Variants in ABCB1 observed in about 807,000 individuals in gnomAD.
ABCB1 encodes the protein ATP-dependent translocase ABCB1.
ABCB1 carries 69 observed loss-of-function variants against 142.0 expected under a neutral mutation model. The ratio of observed to expected loss-of-function variants is 0.49; its 90% confidence interval spans 0.40 to 0.59. ABCB1 has a LOEUF of 0.59. ABCB1 is among the 20% of genes least tolerant of loss of function. ABCB1 has a pLI of 0.00. For missense variants in ABCB1, 1,326 were observed against 1,554.7 expected (o/e 0.85, Z 2.47); for synonymous variants, 532 against 539.2 (o/e 0.99, Z 0.18).
In ABCB1 at chr7:87,644,952, A is replaced by G. The variant is rs535915164; in HGVS notation, c.-330-43874T>C. ...GAACTATGGAAGGAATTAATGTAAT[A>G]TGGATGTAATTAATATGTTTTAAAC... On this transcript the variant is annotated intron_variant, in intron 1 of 28. Coordinates refer to the ABCB1 transcript ENST00000265724. 3.0e-4 allele frequency among the ~76,000 whole-genome samples: 46 copies of G among 152,154 alleles called. 1 individual carries two copies. Among genetic ancestry groups the G allele is most frequent in the African/African-American group, 1.1e-3 (45 of 41,544 alleles).
intron 20 of ABCB1, among the ~76,000 whole-genome samples, chr7:87,534,615 T>C (rs1816198616): frequency 6.6e-6 from 1 of 152,084 alleles, no homozygotes; most frequent in African/African-American, 2.4e-5. Flanking sequence ...CTTCTGAATT[T>C]CATAAAGATC....
At chr7:87,710,558 T>C in intron 1 of ABCB1, 1 of 1,487,834 alleles carries the variant, frequency 6.7e-7, no homozygotes, top group Non-Finnish European at 9.2e-7. Context: ...GATTCTTTCT[T>C]CTTCCTTTTA....
At chr7:87,697,433 A>G (rs1828589192) in intron 1 of ABCB1, among the ~76,000 whole-genome samples, 1 of 152,246 alleles carries the variant, frequency 6.6e-6, no homozygotes, top group African/African-American at 2.4e-5. Flanking sequence ...GATCCCAGAT[A>G]ATAGAAGTCA....
At chr7:87,609,140 C>T (rs1251608839) in intron 1 of ABCB1, among the ~76,000 whole-genome samples, 1 of 151,958 alleles carries the variant, frequency 6.6e-6, no homozygotes, top group Non-Finnish European at 1.5e-5. Context: ...CGGTGAAAAA[C>T]AGAGCAGGGG....
chr7:87,586,785 T>C (rs1281133810), intron 3 of ABCB1, among the ~76,000 whole-genome samples: 1 of 152,044 alleles, frequency 6.6e-6, no homozygotes, highest in Non-Finnish European at 1.5e-5. Flanking sequence ...GACTGCCGAG[T>C]GGAGAAATAA....
intron 18 of ABCB1, 57 bp from the exon 19 acceptor site, chr7:87,539,402 G>A: frequency 6.6e-6 from 10 of 1,507,370 alleles, no homozygotes; most frequent in Non-Finnish European, 9.2e-6. Flanking sequence ...TAAAAGGAGG[G>A]AGAATTGATG....
chr7:87,686,439 A>G (rs1038629444), intron 1 of ABCB1, among the ~76,000 whole-genome samples: 2 of 152,214 alleles, frequency 1.3e-5, no homozygotes, highest in Non-Finnish European at 2.9e-5. Context: ...GAGGCATAGA[A>G]GTACCTCAAA....
intron 1 of ABCB1, among the ~76,000 whole-genome samples, chr7:87,607,856 A>T (rs1390936676): frequency 6.6e-6 from 1 of 152,140 alleles, no homozygotes; most frequent in Admixed American, 6.5e-5. Flanking sequence ...TTCTGTGTGT[A>T]TATGTTGTTA....
chr7:87,553,513 G>T (rs910906138), intron 9 of ABCB1, among the ~76,000 whole-genome samples: 11 of 151,866 alleles, frequency 7.2e-5, no homozygotes, highest in Admixed American at 3.3e-4. Context: ...GTAGAGACGG[G>T]GTTTCACCAT....
chr7:87,641,686 T>A (rs912800894), intron 1 of ABCB1, among the ~76,000 whole-genome samples: 2 of 152,140 alleles, frequency 1.3e-5, no homozygotes, highest in Non-Finnish European at 2.9e-5. Flanking sequence ...CAAAAACAAA[T>A]CCTCCAAAAT....
chr7:87,699,123 T>A (rs527323281), intron 1 of ABCB1, among the ~76,000 whole-genome samples: 55 of 152,258 alleles, frequency 3.6e-4, no homozygotes, highest in African/African-American at 1.3e-3. Context: ...TCTCAGACAT[T>A]GGTCCTAAAA....
chr7:87,589,949 C>T (rs1377744468), intron 3 of ABCB1, among the ~76,000 whole-genome samples: 2 of 151,648 alleles, frequency 1.3e-5, no homozygotes, highest in African/African-American at 2.4e-5. Context: ...CATGTTGATC[C>T]GTGCCTAATG....
intron 1 of ABCB1, chr7:87,650,869 A>G (rs1823505785): frequency 3.1e-6 from 5 of 1,613,018 alleles, no homozygotes; most frequent in Non-Finnish European, 3.4e-6. Context: ...GAGACAATTG[A>G]TGATTCTTCT....
chr7:87,554,469 T>C (rs1001041426), intron 8 of ABCB1, among the ~76,000 whole-genome samples: 4 of 152,230 alleles, frequency 2.6e-5, no homozygotes, highest in African/African-American at 9.7e-5. Flanking sequence ...TGAGAGCATT[T>C]TGAGAGTTCT....
intron 3 of ABCB1, among the ~76,000 whole-genome samples, chr7:87,591,762 T>C (rs944412047): frequency 6.6e-6 from 1 of 152,098 alleles, no homozygotes; most frequent in Middle Eastern, 3.2e-3. Flanking sequence ...AGTATAATTA[T>C]GCAGAATGAA....
intron 9 of ABCB1, among the ~76,000 whole-genome samples, chr7:87,552,991 C>T (rs529304389): frequency 6.6e-6 from 1 of 152,236 alleles, no homozygotes; most frequent in African/African-American, 2.4e-5. Flanking sequence ...GTCTATAATG[C>T]AGAAAACTTC....
chr7:87,626,803 TCTCA>T (rs113680990), intron 1 of ABCB1, among the ~76,000 whole-genome samples: 1 of 149,608 alleles, frequency 6.7e-6, no homozygotes, highest in Non-Finnish European at 1.5e-5. Flanking sequence ...AGAGATGGAG[TCTCA>T]CTCTGTCGCC....
At chr7:87,694,103 T>G (rs994249391) in intron 1 of ABCB1, 2 of 1,434,722 alleles carry the variant, frequency 1.4e-6, no homozygotes, top group Admixed American at 2.8e-5. Context: ...TGTTTTTGTT[T>G]TTTTTTTTTA....
chr7:87,710,131 G>A (rs1829939785), intron 1 of ABCB1, among the ~76,000 whole-genome samples: 1 of 152,068 alleles, frequency 6.6e-6, no homozygotes, highest in Admixed American at 6.5e-5. Flanking sequence ...GGATAGGATT[G>A]AAAATTTTCT....
Sources: gnomAD v4.1 joint callset for allele counts (sites outside exome capture counted in the v4.1 genomes callset) on GRCh38, gnomAD v4.1.1 for gene constraint, MANE v1.5 for transcripts, NCBI Gene and HGNC (gene_info 2026-07-23, HGNC 2026-07-21) for gene names.